Variants in GTPBP1 observed in about 807,000 individuals in gnomAD.
The protein encoded by GTPBP1 is GTP-binding protein 1.
In GTPBP1, 23 loss-of-function variants were observed where a neutral mutation model predicts 62.0. That is an observed-to-expected ratio of 0.37 (90% CI 0.27 to 0.53). The LOEUF is 0.53. GTPBP1 is among the 20% of genes least tolerant of loss of function. The probability of loss-of-function intolerance (pLI) is 0.89; values close to 1 mark genes in which losing one functional copy is unlikely to be tolerated. For synonymous variants in GTPBP1, 344 were observed against 364.4 expected, an observed-to-expected ratio of 0.94 and a Z score of 0.64; for missense variants, 640 against 917.3, an observed-to-expected ratio of 0.70 and a Z score of 3.90.
intron 6 of GTPBP1, 165 bp from the exon 7 acceptor site, chr22:38,725,841 A>G: frequency 1.5e-6 from 1 of 670,268 alleles, no homozygotes. Context: ...TTGCTAGGTC[A>G]GGGCAAAGAG....
At chr22:38,739,271 C>T, downstream of GTPBP1, 1 of 1,530,622 alleles carries the variant, frequency 6.5e-7, no homozygotes, top group Admixed American at 1.7e-5. This position sits in a 1 kb window ranked among gnomAD's most constrained non-coding sequence, Gnocchi z 6.7. Flanking sequence ...CACCACCAAC[C>T]TGGTAGATGC....
At chr22:38,734,488 A>G (rs2092783879), downstream of GTPBP1, 7 of 330,070 alleles carry the variant, frequency 2.1e-5, 1 homozygote, top group South Asian at 8.8e-5. Context: ...TGGGTTATCA[A>G]TGACAGCTAA....
downstream of GTPBP1, chr22:38,738,915 G>C (rs776822245): frequency 7.4e-6 from 12 of 1,612,380 alleles, no homozygotes; most frequent in South Asian, 1.3e-4. The surrounding 1 kb of genome is among the most constrained non-coding windows in gnomAD (Gnocchi z 6.6). Context: ...ACCACAGGGG[G>C]ATGCCGAAGA....
chr22:38,709,107 A>C, intron 2 of GTPBP1, 151 bp downstream of exon 2: 1 of 522,726 alleles, frequency 1.9e-6, no homozygotes, highest in Non-Finnish European at 3.5e-6. Context: ...ACATGGTGAA[A>C]CCCCATCTCT....
intron 2 of GTPBP1, among the ~76,000 whole-genome samples, chr22:38,713,668 C>T (rs549524222): frequency 6.6e-6 from 1 of 152,310 alleles, no homozygotes; most frequent in Non-Finnish European, 1.5e-5. Flanking sequence ...AACTCATGGC[C>T]TCCCCCAAGC....
Position 38,726,127 on chromosome 22 carries a change from A to G in GTPBP1, c.1195A>G (p.Ile399Val). The G allele has an allele frequency of 1.9e-6, 3 of 1,613,872 alleles. No homozygotes were observed. Among genetic ancestry groups the G allele is most frequent in the Non-Finnish European group, 2.5e-6 (3 of 1,179,902 alleles). The change falls in exon 7 of 12, where the codon ATT (isoleucine) becomes GTT (valine). Residue 399 changes from isoleucine to valine, a missense_variant. Physicochemically the swap from Ile to Val is conservative, Grantham distance 29 (BLOSUM62 3). This residue lies in a region of GTPBP1 where 220 missense variants were observed against 358.1 expected (regional missense o/e 0.61). Transcript: ENST00000216044. The surrounding 1 kb of genome is among the most constrained non-coding windows in gnomAD (Gnocchi z 4.1). ...YREEEPAEFQ[I>V]DDTYSVPGVG... ...GGAGGAGGAGCCTGCTGAGTTTCAG[A>G]TTGATGACACCTACTCCGTCCCGGT...
rs1051521460 is a variant in GTPBP1 at position 38,716,509 on chromosome 22, C to T, written c.486-143C>T. ...GCTCTAGGAACCTTCCCACTGTGCT[C>T]CTCCGGCTCAAGGAGGAGCTGTGAG... is the stretch of plus-strand genomic sequence containing the variant. On this transcript the variant is annotated intron_variant, in intron 3 of 11. Transcript: ENST00000216044. The surrounding 1 kb of genome is among the most constrained non-coding windows in gnomAD (Gnocchi z 5.2). The T allele has an allele frequency of 9.3e-6, 6 of 647,636 alleles. No individual in the cohort carries two copies. The highest frequency in any genetic ancestry group is 1.6e-5 in the Non-Finnish European group (6 of 368,614). The allele number at this position is 647,636 out of a possible 1,614,324, so 40.1% of individuals were successfully genotyped here.
chr22:38,734,977 C>T (rs2092789409), downstream of GTPBP1: 3 of 284,914 alleles, frequency 1.1e-5, no homozygotes, highest in Non-Finnish European at 2.1e-5. Flanking sequence ...GACCACCAGA[C>T]ACAGCCGGAA....
In GTPBP1 at chr22:38,727,672, C is replaced by T. The variant is rs886907520; in HGVS notation, c.1538-311C>T. On this transcript the variant is annotated intron_variant, in intron 9 of 11. Coordinates refer to ENST00000216044, the MANE Select transcript of GTPBP1 (RefSeq NM_004286.5). The surrounding 1 kb of genome is among the most constrained non-coding windows in gnomAD (Gnocchi z 6.5). ...AAGATGAAGTAGATGGGCAAGGATC[C>T]TTCCCCGCAGAAGCCCACAGTCCAG... Among the ~76,000 whole-genome samples the T allele has an allele frequency of 1.3e-5, 2 of 152,196 alleles. No homozygotes were observed. Among genetic ancestry groups the T allele is most frequent in the East Asian group, 3.9e-4 (2 of 5,194 alleles).
rs922582835 is a variant in GTPBP1 at position 38,732,532 on chromosome 22, A to G, written c.*1828A>G. On this transcript the variant is annotated 3_prime_UTR_variant, in exon 12 of 12. Coordinates refer to ENST00000216044, the MANE Select transcript of GTPBP1 (RefSeq NM_004286.5). ...AATGTGAGGCCCTGGGGTGTCCTAC[A>G]CAAGGGAAAGGCTTGCTCAGTGAGC... 1 of 152,264 alleles carries G rather than the reference A, an allele frequency of 6.6e-6. No homozygotes were observed. The highest frequency in any genetic ancestry group is 2.4e-5 in the African/African-American group (1 of 41,470). 9.4% of individuals were successfully genotyped at this position (152,264 alleles called of 1,614,324 possible).
At chr22:38,713,801 A>C (rs1050611713) in intron 2 of GTPBP1, among the ~76,000 whole-genome samples, 2 of 152,240 alleles carry the variant, frequency 1.3e-5, no homozygotes, top group African/African-American at 4.8e-5. Context: ...GCTGTTGTTT[A>C]AAAGAGGGTT....
Position 38,727,367 on chromosome 22 carries a change from G to T in GTPBP1, c.1537+19G>T, listed in dbSNP as rs555608974. ...GCCATGGGTAGGTGTCTAAGGCCCT[G>T]CCAGCCCAGGAGGCCGTCGTGTTAG... On this transcript the variant is annotated intron_variant, in intron 9 of 11. Coordinates refer to ENST00000216044, the MANE Select transcript of GTPBP1 (RefSeq NM_004286.5). This position sits in a 1 kb window ranked among gnomAD's most constrained non-coding sequence, Gnocchi z 6.5. 5.2e-6 allele frequency: 8 copies of T among 1,528,744 alleles called. No individual in the cohort carries two copies. The South Asian group carries it at 8.6e-5, about 17-fold the overall frequency. The allele number at this position is 1,528,744 out of a possible 1,614,324, so 94.7% of individuals were successfully genotyped here. A position where few individuals can be genotyped will look rare whatever the true frequency, so the allele number is the denominator to read the frequency against.
rs993382225 is a variant in GTPBP1, at chr22:38,732,665, C to T, written c.*1961C>T. 1.3e-5 allele frequency: 2 copies of T among 152,314 alleles called. No individual in the cohort carries two copies. Among genetic ancestry groups the T allele is most frequent in the Non-Finnish European group, 2.9e-5 (2 of 68,102 alleles). The allele number at this position is 152,314 out of a possible 1,614,324, so 9.4% of individuals were successfully genotyped here. On this transcript the variant is annotated 3_prime_UTR_variant, in exon 12 of 12. Coordinates refer to ENST00000216044, the MANE Select transcript of GTPBP1 (RefSeq NM_004286.5). ...TCTCACACGCTCCTGTTGACATTCC[C>T]AGCAGCCGCCCCTGAGGTCGATGTT...
At chr22:38,708,743 T>A (rs1450707174) in intron 1 of GTPBP1, 102 bp from the exon 2 acceptor site, 1 of 718,988 alleles carries the variant, frequency 1.4e-6, no homozygotes, top group Non-Finnish European at 2.6e-6. Context: ...ATGAGGGTGC[T>A]ATGGGGTTCA....
intron 2 of GTPBP1, among the ~76,000 whole-genome samples, chr22:38,712,831 A>G (rs1045517473): frequency 2.0e-5 from 3 of 152,192 alleles, no homozygotes; most frequent in Non-Finnish European, 2.9e-5. Flanking sequence ...ACCCTTCTCT[A>G]ACCCTGAAGG....
At chr22:38,737,386 C>T (rs1569293458), downstream of GTPBP1, among the ~76,000 whole-genome samples, 1 of 152,140 alleles carries the variant, frequency 6.6e-6, no homozygotes, top group Admixed American at 6.5e-5. This position sits in a 1 kb window ranked among gnomAD's most constrained non-coding sequence, Gnocchi z 4.1. Flanking sequence ...TGTCCTCACT[C>T]CCAACGCCCC....
chr22:38,711,374 T>A (rs924813724), intron 2 of GTPBP1, among the ~76,000 whole-genome samples: 1 of 152,238 alleles, frequency 6.6e-6, no homozygotes, highest in African/African-American at 2.4e-5. Flanking sequence ...GCCTACTGAC[T>A]CTTTTCCTTG....
At chr22:38,724,231 T>G in intron 5 of GTPBP1, 66 bp from the exon 6 acceptor site, 2 of 898,486 alleles carry the variant, frequency 2.2e-6, no homozygotes, top group Non-Finnish European at 1.9e-6. Flanking sequence ...GGACCCATCT[T>G]GCTCTTAAAG....
At position 38,727,636 on chromosome 22, in the gene GTPBP1, T is replaced by G. The variant is rs2092733988; in HGVS notation, c.1537+288T>G. ...TATGTGCCCAGCGGTGTTGCTAAGG[T>G]GCTGGGAACAAAGATGAAGTAGATG... On this transcript the variant is annotated intron_variant, in intron 9 of 11. Transcript: ENST00000216044. This position sits in a 1 kb window ranked among gnomAD's most constrained non-coding sequence, Gnocchi z 6.5. 6.6e-6 allele frequency among the ~76,000 whole-genome samples: 1 copy of G among 152,064 alleles called. No individual in the cohort carries two copies. Among genetic ancestry groups the G allele is most frequent in the Admixed American group, 6.5e-5 (1 of 15,278 alleles).
Sources: allele counts gnomAD v4.1 joint callset (sites outside exome capture counted in the v4.1 genomes callset), GRCh38; gene constraint gnomAD v4.1.1; regional missense constraint gnomAD v4.1.1; non-coding constraint Gnocchi (gnomAD v3.1); transcripts MANE v1.5; gene names NCBI Gene and HGNC (gene_info 2026-07-23, HGNC 2026-07-21).